The following SGCZ variants were observed in gnomAD, a reference collection of about 807,000 sequenced individuals.
The protein encoded by SGCZ is zeta-sarcoglycan.
In SGCZ, 40 loss-of-function variants were observed where a neutral mutation model predicts 41.3. The ratio of observed to expected loss-of-function variants is 0.97; its 90% CI spans 0.75 to 1.26. The LOEUF (loss-of-function observed/expected upper bound fraction) is 1.26. SGCZ is among the 50% of genes most tolerant of loss of function. SGCZ has a pLI of 0.00. For synonymous variants in SGCZ, 206 were observed against 137.5 expected (o/e 1.50, Z -3.49); for missense variants, 552 against 369.8 (o/e 1.49, Z -4.04).
At chr8:14,630,581 A>G (rs1188631132) in intron 1 of SGCZ, among the ~76,000 whole-genome samples, 1 of 152,094 alleles carries the variant, frequency 6.6e-6, no homozygotes, top group Non-Finnish European at 1.5e-5. Flanking sequence ...ACGTATGTTT[A>G]TTGCGGCACT....
intron 1 of SGCZ, among the ~76,000 whole-genome samples, chr8:15,015,274 G>A (rs770682713): frequency 1.6e-4 from 24 of 151,758 alleles, no homozygotes; most frequent in Non-Finnish European, 1.9e-4. Flanking sequence ...AGTCTATTGG[G>A]ATAAAGTGTT....
intron 4 of SGCZ, among the ~76,000 whole-genome samples, chr8:14,167,896 A>C (rs1804256424): frequency 6.6e-6 from 1 of 152,220 alleles, no homozygotes; most frequent in East Asian, 1.9e-4. Context: ...TCTACAGTAC[A>C]TCGGTCAAAT....
intron 1 of SGCZ, among the ~76,000 whole-genome samples, chr8:14,906,628 A>T (rs776261289): frequency 6.6e-6 from 1 of 152,348 alleles, no homozygotes; most frequent in Non-Finnish European, 1.5e-5. Flanking sequence ...TGGTATTTGT[A>T]CTAAATCCAT....
At chr8:14,169,278 G>C (rs865996168) in intron 4 of SGCZ, among the ~76,000 whole-genome samples, 1 of 152,108 alleles carries the variant, frequency 6.6e-6, no homozygotes, top group Admixed American at 6.6e-5. Flanking sequence ...GCCAGCTACT[G>C]TCTCCCCCTG....
chr8:14,547,905 C>A (rs537946997), intron 2 of SGCZ, among the ~76,000 whole-genome samples: 1 of 152,220 alleles, frequency 6.6e-6, no homozygotes, highest in Admixed American at 6.5e-5. Flanking sequence ...TTTGTTAATG[C>A]ATATTTATTG....
At position 14,407,090 on chromosome 8, in the gene SGCZ, G is replaced by C. The variant is rs1438973786; in HGVS notation, c.235-82886C>G. On this transcript the variant is annotated intron_variant, in intron 2 of 7. Coordinates refer to ENST00000382080, the MANE Select transcript of SGCZ (RefSeq NM_139167.4). ...CTTTTTTTTTTTTTTTTTTTTTTGA[G>C]ATGGAGACTCACTCTGTCACCAGGC... 8.6e-5 allele frequency among the ~76,000 whole-genome samples: 9 copies of C among 105,000 alleles called. No individual in the cohort carries two copies. The South Asian group carries it at 1.6e-3, about 19-fold the overall frequency. 68.9% of individuals were successfully genotyped at this position (105,000 alleles called of 152,430 possible).
At chr8:14,548,998 A>G (rs995491822) in intron 2 of SGCZ, among the ~76,000 whole-genome samples, 1 of 152,036 alleles carries the variant, frequency 6.6e-6, no homozygotes, top group Non-Finnish European at 1.5e-5. Flanking sequence ...TACTTTTTCT[A>G]GAGGGGTTGT....
intron 3 of SGCZ, among the ~76,000 whole-genome samples, chr8:14,284,898 T>C (rs1800571771): frequency 6.6e-6 from 1 of 152,196 alleles, no homozygotes; most frequent in Non-Finnish European, 1.5e-5. Context: ...TTTCTGTTGA[T>C]TTTTGATCAT....
At chr8:14,368,569 A>G (rs566856564) in intron 2 of SGCZ, among the ~76,000 whole-genome samples, 1 of 152,106 alleles carries the variant, frequency 6.6e-6, no homozygotes, top group African/African-American at 2.4e-5. Flanking sequence ...GACGTTGTAC[A>G]TTAAATAGAA....
intron 3 of SGCZ, among the ~76,000 whole-genome samples, chr8:14,287,130 C>G (rs2410172): frequency 6.6e-6 from 1 of 151,580 alleles, no homozygotes; most frequent in Non-Finnish European, 1.5e-5. Flanking sequence ...TCAAATAGCA[C>G]ATACAGTATT....
chr8:14,708,559 C>A (rs151301314), intron 1 of SGCZ, among the ~76,000 whole-genome samples: 70 of 151,974 alleles, frequency 4.6e-4, no homozygotes, highest in Non-Finnish European at 8.7e-4. Flanking sequence ...AGATTTCTGA[C>A]ATGCCTGAGC....
chr8:14,413,685 C>T (rs746309538), intron 2 of SGCZ, among the ~76,000 whole-genome samples: 1 of 151,940 alleles, frequency 6.6e-6, no homozygotes, highest in Non-Finnish European at 1.5e-5. Flanking sequence ...TACCTCTTTG[C>T]CTATTTCCTT....
chr8:14,575,935 AGAAAGAAAG>A (rs1804697561), intron 1 of SGCZ, among the ~76,000 whole-genome samples: 1 of 140,546 alleles, frequency 7.1e-6, no homozygotes, highest in African/African-American at 2.8e-5. Flanking sequence ...AAAAAAAAAA[AGAAAGAAAG>A]AGAGAGAGAG....
At chr8:14,328,368 T>C (rs1443117677) in intron 2 of SGCZ, among the ~76,000 whole-genome samples, 1 of 152,160 alleles carries the variant, frequency 6.6e-6, no homozygotes, top group Non-Finnish European at 1.5e-5. Context: ...CAGACTCTAA[T>C]GTACTACACC....
chr8:14,574,179 T>C (rs1244391780), intron 1 of SGCZ, among the ~76,000 whole-genome samples: 2 of 152,172 alleles, frequency 1.3e-5, no homozygotes, highest in Admixed American at 1.3e-4. Context: ...GAATAAAGAA[T>C]AAGCCAAGAT....
At chr8:14,216,923 T>A (rs1806013011) in intron 4 of SGCZ, among the ~76,000 whole-genome samples, 1 of 152,114 alleles carries the variant, frequency 6.6e-6, no homozygotes, top group South Asian at 2.1e-4. Context: ...CAAGAGAAAC[T>A]GTAGCAGAAC....
At chr8:14,204,997 T>C (rs1000129081) in intron 4 of SGCZ, among the ~76,000 whole-genome samples, 3 of 152,144 alleles carry the variant, frequency 2.0e-5, no homozygotes, top group African/African-American at 7.2e-5. Flanking sequence ...ACCTATATCC[T>C]CTCACCCATA....
chr8:15,094,887 C>T (rs1466378792), intron 1 of SGCZ, among the ~76,000 whole-genome samples: 2 of 152,108 alleles, frequency 1.3e-5, no homozygotes, highest in Non-Finnish European at 2.9e-5. Flanking sequence ...CCCAAAGGCT[C>T]CCCAGCCCTG....
chr8:14,638,597 G>C (rs1266159477), intron 1 of SGCZ, among the ~76,000 whole-genome samples: 1 of 151,782 alleles, frequency 6.6e-6, no homozygotes, highest in South Asian at 2.1e-4. Context: ...GGCTGACCCA[G>C]TAAATCCTCT....
Sources: allele counts gnomAD v4.1 joint callset (sites outside exome capture counted in the v4.1 genomes callset), GRCh38; gene constraint gnomAD v4.1.1; transcripts MANE v1.5; gene names NCBI Gene and HGNC (gene_info 2026-07-23, HGNC 2026-07-21).